The following NXPE2 variants were observed in gnomAD, a reference collection of about 807,000 sequenced individuals.
NXPE2 encodes neurexophilin and PC-esterase domain family member 2, also known as NXPE family member 2.
NXPE2 carries 34 observed loss-of-function variants against 34.4 expected under a neutral mutation model. The observed-to-expected ratio is 0.99, with a 90% CI of 0.75 to 1.31. The LOEUF (loss-of-function observed/expected upper bound fraction) is 1.31. Ranked by LOEUF, NXPE2 falls within the 40% of genes most tolerant of loss-of-function variation. The pLI, the probability that NXPE2 is intolerant of heterozygous loss-of-function variation, is 0.00. For missense variants in NXPE2, 649 were observed against 672.5 expected, an observed-to-expected ratio of 0.97 and a Z score of 0.39; for synonymous variants, 235 against 231.3, an observed-to-expected ratio of 1.02 and a Z score of -0.15.
At chr11:114,588,632 A>T in the NXPE2 span, among the ~76,000 whole-genome samples, 86 of 152,268 alleles carry the variant, frequency 5.6e-4, no homozygotes, top group African/African-American at 2.0e-3. Context: ...CTTGTTTGGA[A>T]CCCCAGTGAC....
chr11:114,615,476 C>T, the NXPE2 span, among the ~76,000 whole-genome samples: 35 of 151,924 alleles, frequency 2.3e-4, no homozygotes, highest in African/African-American at 5.8e-4. Flanking sequence ...AGTATTGCTT[C>T]GTGGGTAACC....
chr11:114,702,620 A>G (rs926846032), intron 3 of NXPE2, among the ~76,000 whole-genome samples: 3 of 152,218 alleles, frequency 2.0e-5, no homozygotes, highest in Non-Finnish European at 4.4e-5. Flanking sequence ...GACTATTATT[A>G]TGCTCATTTT....
the NXPE2 span, among the ~76,000 whole-genome samples, chr11:114,565,694 T>A: frequency 6.6e-6 from 1 of 152,200 alleles, no homozygotes; most frequent in Non-Finnish European, 1.5e-5. Flanking sequence ...AGACTCATCA[T>A]TATGGATCAT....
At chr11:114,544,832 G>T in the NXPE2 span, among the ~76,000 whole-genome samples, 4 of 151,994 alleles carry the variant, frequency 2.6e-5, no homozygotes, top group Non-Finnish European at 4.4e-5. Flanking sequence ...TCAGGTAAAG[G>T]ACTTCATCTA....
chr11:114,809,047 A>G, the NXPE2 span, among the ~76,000 whole-genome samples: 3 of 152,202 alleles, frequency 2.0e-5, no homozygotes, highest in African/African-American at 7.2e-5. Flanking sequence ...ACATACACAA[A>G]TCAATAAATG....
At chr11:114,678,365 T>A, upstream of NXPE2, 1 of 451,592 alleles carries the variant, frequency 2.2e-6, no homozygotes, top group South Asian at 3.4e-5. Context: ...CCTCATGGCT[T>A]TTTCCTTCTG....
the NXPE2 span, among the ~76,000 whole-genome samples, chr11:114,812,633 C>T: frequency 5.3e-5 from 8 of 152,148 alleles, no homozygotes; most frequent in Non-Finnish European, 8.8e-5. Context: ...TAAACCTGGT[C>T]TGGTAGGTTT....
downstream of NXPE2, among the ~76,000 whole-genome samples, chr11:114,708,636 A>AAAAAAGAAAAGAAAAGAAAAG (rs1555080863): frequency 5.9e-4 from 87 of 148,512 alleles, no homozygotes; most frequent in African/African-American, 1.6e-3. Context: ...TCTCAAAAAA[A>AAAAAAGAAAAGAAAAGAAAAG]AAAAGAAAAG....
At chr11:114,633,285 T>C in the NXPE2 span, among the ~76,000 whole-genome samples, 11 of 138,102 alleles carry the variant, frequency 8.0e-5, no homozygotes, top group African/African-American at 5.3e-5. Flanking sequence ...TATGTTATAT[T>C]ATAAAATTCT....
chr11:114,582,367 A>T, the NXPE2 span: 1 of 1,614,122 alleles, frequency 6.2e-7, no homozygotes, highest in East Asian at 2.2e-5. Context: ...AGTGCAGCAC[A>T]GGGCATGTGT....
intron 3 of NXPE2, among the ~76,000 whole-genome samples, chr11:114,702,293 T>C (rs1419353284): frequency 2.0e-5 from 3 of 152,198 alleles, no homozygotes; most frequent in Admixed American, 6.5e-5. Flanking sequence ...TGAATTCCTT[T>C]ATAACATTAA....
the NXPE2 span, among the ~76,000 whole-genome samples, chr11:114,645,292 C>T: frequency 6.6e-6 from 1 of 152,028 alleles, no homozygotes; most frequent in Non-Finnish European, 1.5e-5. Context: ...CAGAGTGAGA[C>T]TCCATCTCGA....
At chr11:114,605,279 G>T in the NXPE2 span, among the ~76,000 whole-genome samples, 1 of 151,284 alleles carries the variant, frequency 6.6e-6, no homozygotes, top group Non-Finnish European at 1.5e-5. Context: ...ACTGTTACCT[G>T]GTGGATAATA....
At chr11:114,619,987 ATAGT>A in the NXPE2 span, among the ~76,000 whole-genome samples, 2 of 151,788 alleles carry the variant, frequency 1.3e-5, no homozygotes, top group Admixed American at 6.6e-5. Flanking sequence ...TACCTGGTGG[ATAGT>A]TAGTATTGCC....
chr11:114,554,694 A>G, the NXPE2 span, among the ~76,000 whole-genome samples: 4 of 152,384 alleles, frequency 2.6e-5, no homozygotes, highest in East Asian at 7.7e-4. Context: ...CAGTACTGTG[A>G]TATGAAAATA....
the NXPE2 span, among the ~76,000 whole-genome samples, chr11:114,638,362 C>T: frequency 7.2e-5 from 11 of 151,792 alleles, no homozygotes; most frequent in East Asian, 1.2e-3. Flanking sequence ...GTTATCCATT[C>T]GTCTAAATTT....
the NXPE2 span, among the ~76,000 whole-genome samples, chr11:114,532,639 A>T: frequency 6.6e-6 from 1 of 152,190 alleles, no homozygotes; most frequent in Admixed American, 6.5e-5. Flanking sequence ...AAACTAGGTA[A>T]GTATGATACA....
the NXPE2 span, among the ~76,000 whole-genome samples, chr11:114,595,163 C>A: frequency 6.6e-6 from 1 of 152,148 alleles, no homozygotes; most frequent in African/African-American, 2.4e-5. Context: ...ACACTGAGAA[C>A]CACATCATTA....
At chr11:114,494,003 G>A in the NXPE2 span, among the ~76,000 whole-genome samples, 2 of 152,038 alleles carry the variant, frequency 1.3e-5, no homozygotes, top group Admixed American at 1.3e-4. Context: ...TTTTCCTTCA[G>A]CACTGAATAT....
Sources: allele counts gnomAD v4.1 joint callset (sites outside exome capture counted in the v4.1 genomes callset), GRCh38; gene constraint gnomAD v4.1.1; transcripts MANE v1.5; gene names NCBI Gene and HGNC (gene_info 2026-07-23, HGNC 2026-07-21).